Variants in ATXN1 observed in about 807,000 individuals in gnomAD.
ATXN1 encodes ataxin-1.
In ATXN1, 8 loss-of-function variants were observed where a neutral mutation model predicts 56.4. The ratio of observed to expected loss-of-function variants is 0.14; its 90% CI spans 0.08 to 0.26. The LOEUF is 0.26. Among genes scored for constraint, ATXN1 ranks in the 10% least tolerant of loss-of-function variants. ATXN1 has a pLI of 1.00. For synonymous variants in ATXN1, 514 were observed against 494.6 expected (o/e 1.04, Z -0.52); for missense variants, 987 against 1,106.5 (o/e 0.89, Z 1.53).
intron 6 of ATXN1, among the ~76,000 whole-genome samples, chr6:16,347,063 A>C (rs1761422561): frequency 6.6e-6 from 1 of 152,234 alleles, no homozygotes; most frequent in Non-Finnish European, 1.5e-5. Flanking sequence ...GCCAGGCCTT[A>C]GCTGCCTTCT....
intron 2 of ATXN1, chr6:16,749,900 T>C (rs1760658190): frequency 6.6e-6 from 1 of 152,380 alleles, no homozygotes; most frequent in Admixed American, 6.5e-5. Context: ...TACTCTCTAC[T>C]GTCTGCTCGA....
chr6:16,382,299 CA>C (rs56015325), intron 6 of ATXN1, among the ~76,000 whole-genome samples: 8,980 of 124,352 alleles, frequency 0.072, 746 homozygotes, highest in African/African-American at 0.23. Context: ...GATTCCATCT[CA>C]AAAAAAAAAA....
intron 3 of ATXN1, among the ~76,000 whole-genome samples, chr6:16,630,750 GA>G (rs1763489678): frequency 6.6e-6 from 1 of 152,182 alleles, no homozygotes; most frequent in Non-Finnish European, 1.5e-5. Context: ...ATACTTGTCA[GA>G]AGATATTAAG....
chr6:16,744,995 T>C (rs1323299974), intron 2 of ATXN1, among the ~76,000 whole-genome samples: 1 of 152,124 alleles, frequency 6.6e-6, no homozygotes, highest in Admixed American at 6.6e-5. Context: ...TTAGAAAACA[T>C]CAAGACTTCC....
chr6:16,667,768 C>T (rs565248071), intron 2 of ATXN1, among the ~76,000 whole-genome samples: 1 of 152,334 alleles, frequency 6.6e-6, no homozygotes, highest in South Asian at 2.1e-4. Flanking sequence ...GATTCACCAT[C>T]CACCTCTGTC....
intron 3 of ATXN1, among the ~76,000 whole-genome samples, chr6:16,604,428 G>A (rs1762966164): frequency 6.6e-6 from 1 of 151,856 alleles, no homozygotes; most frequent in Non-Finnish European, 1.5e-5. Context: ...GAGCCCAGGA[G>A]TTCGAGGCTG....
intron 2 of ATXN1, among the ~76,000 whole-genome samples, chr6:16,672,777 T>C (rs553694442): frequency 1.3e-5 from 2 of 152,218 alleles, no homozygotes; most frequent in South Asian, 4.1e-4. Context: ...CCCAGCACTC[T>C]GGGAGGCCGA....
intron 3 of ATXN1, among the ~76,000 whole-genome samples, chr6:16,612,328 T>G (rs1360621142): frequency 2.5e-4 from 38 of 152,096 alleles, no homozygotes; most frequent in Admixed American, 2.5e-3. Context: ...AAAATAAATT[T>G]TACTACCTTT....
intron 6 of ATXN1, among the ~76,000 whole-genome samples, chr6:16,427,158 A>C (rs781303126): frequency 1.3e-5 from 2 of 152,060 alleles, no homozygotes; most frequent in Non-Finnish European, 2.9e-5. Flanking sequence ...ATCCCTTCCC[A>C]AGCATTCGAA....
At chr6:16,493,203 C>A (rs963836199) in intron 5 of ATXN1, among the ~76,000 whole-genome samples, 3 of 152,172 alleles carry the variant, frequency 2.0e-5, no homozygotes, top group African/African-American at 7.2e-5. Context: ...TGAACATCTT[C>A]GAAATTCTTT....
intron 2 of ATXN1, among the ~76,000 whole-genome samples, chr6:16,702,311 T>G (rs1467025874): frequency 2.0e-5 from 3 of 152,218 alleles, no homozygotes; most frequent in African/African-American, 7.2e-5. Flanking sequence ...AACCCCTTCC[T>G]TACACCTTAT....
At chr6:16,331,131 G>C (rs1323185800) in intron 6 of ATXN1, among the ~76,000 whole-genome samples, 1 of 152,158 alleles carries the variant, frequency 6.6e-6, no homozygotes, top group Non-Finnish European at 1.5e-5. Context: ...CTCCTGAGTA[G>C]CTGGGATTAT....
chr6:16,533,730 T>C (rs1286915879), intron 4 of ATXN1, among the ~76,000 whole-genome samples: 2 of 152,180 alleles, frequency 1.3e-5, no homozygotes, highest in Non-Finnish European at 2.9e-5. Context: ...AGTCTTCTTC[T>C]TTCCCTAACC....
chr6:16,491,526 G>T (rs1366501623), intron 5 of ATXN1, among the ~76,000 whole-genome samples: 11 of 151,650 alleles, frequency 7.3e-5, no homozygotes, highest in Non-Finnish European at 1.0e-4. Flanking sequence ...TGAACTCCTG[G>T]CCTCAAGTGA....
intron 4 of ATXN1, among the ~76,000 whole-genome samples, chr6:16,524,602 C>T (rs1400732773): frequency 1.3e-5 from 2 of 152,276 alleles, no homozygotes; most frequent in African/African-American, 2.4e-5. Flanking sequence ...ATAACAATAT[C>T]GACTTCATAG....
intron 3 of ATXN1, among the ~76,000 whole-genome samples, chr6:16,616,434 G>T (rs929555232): frequency 1.1e-4 from 16 of 151,428 alleles, no homozygotes; most frequent in African/African-American, 3.9e-4. Context: ...CAGATACTTG[G>T]GAGGCTGAGA....
At chr6:16,370,838 A>G (rs1762025430) in intron 6 of ATXN1, among the ~76,000 whole-genome samples, 1 of 152,236 alleles carries the variant, frequency 6.6e-6, no homozygotes, top group Non-Finnish European at 1.5e-5. Flanking sequence ...ACCTTAAACT[A>G]CAGTTTGTAA....
At chr6:16,603,072 T>C (rs1303262034) in intron 3 of ATXN1, among the ~76,000 whole-genome samples, 1 of 152,174 alleles carries the variant, frequency 6.6e-6, no homozygotes, top group African/African-American at 2.4e-5. Flanking sequence ...AAATAAAAGA[T>C]AAAAGCAGCC....
intron 2 of ATXN1, among the ~76,000 whole-genome samples, chr6:16,696,993 C>T (rs1388486783): frequency 6.6e-6 from 1 of 152,168 alleles, no homozygotes; most frequent in East Asian, 1.9e-4. Context: ...TTTAAGGAAG[C>T]GTTGGCGAGG....
Sources: gnomAD v4.1 joint callset for allele counts (sites outside exome capture counted in the v4.1 genomes callset) on GRCh38, gnomAD v4.1.1 for gene constraint, MANE v1.5 for transcripts, NCBI Gene and HGNC (gene_info 2026-07-23, HGNC 2026-07-21) for gene names.